CNTNAP5: variants seen among roughly 807,000 people sequenced by gnomAD.
CNTNAP5 encodes the protein contactin-associated protein-like 5.
CNTNAP5 carries 72 observed loss-of-function variants against 150.2 expected under a neutral mutation model. The ratio of observed to expected loss-of-function variants is 0.48; its 90% CI spans 0.40 to 0.58. CNTNAP5 has a LOEUF of 0.58. Among genes scored for constraint, CNTNAP5 ranks in the 20% least tolerant of loss-of-function variants. The pLI is 0.00. For missense variants in CNTNAP5, 1,636 were observed against 1,626.2 expected, an observed-to-expected ratio of 1.01 and a Z score of -0.10; for synonymous variants, 672 against 619.8, an observed-to-expected ratio of 1.08 and a Z score of -1.25.
chr2:124,056,648 AAAC>A (rs1186242376), intron 1 of CNTNAP5, among the ~76,000 whole-genome samples: 3 of 152,140 alleles, frequency 2.0e-5, no homozygotes, highest in African/African-American at 7.2e-5. Context: ...TCCATCTCAA[AAAC>A]AACAAGAACA....
intron 3 of CNTNAP5, among the ~76,000 whole-genome samples, chr2:124,403,896 G>C (rs972048293): frequency 6.6e-6 from 1 of 152,208 alleles, no homozygotes; most frequent in African/African-American, 2.4e-5. Flanking sequence ...AGCATGTGCA[G>C]GGGAACTGCC....
chr2:124,123,087 T>C lies in CNTNAP5; in HGVS notation c.82+97355T>C, dbSNP rs562995142. Among the ~76,000 whole-genome samples the C allele has an allele frequency of 6.6e-5, 10 of 151,628 alleles. No individual in the cohort carries two copies. The East Asian group carries it at 2.0e-3, about 30-fold the overall frequency. ...CTTGTCGGACACTGGGTGCAGCCCA[T>C]GGAGTAGGGTGAGGCATCACCTCAC... On this transcript the variant is annotated intron_variant, in intron 1 of 23. Transcript: ENST00000682447.
At chr2:124,217,552 A>C (rs899548323) in intron 1 of CNTNAP5, among the ~76,000 whole-genome samples, 4 of 152,170 alleles carry the variant, frequency 2.6e-5, no homozygotes, top group Non-Finnish European at 4.4e-5. Flanking sequence ...ATGAAGGCGC[A>C]ATGTCATCTT....
intron 3 of CNTNAP5, among the ~76,000 whole-genome samples, chr2:124,267,378 CTCT>C (rs1279465648): frequency 6.6e-6 from 1 of 152,118 alleles, no homozygotes; most frequent in Non-Finnish European, 1.5e-5. Context: ...CCAAATGTAA[CTCT>C]TCTTATAGGC....
chr2:124,623,714 TGTCTTTAG>T (rs1677664760), intron 12 of CNTNAP5, among the ~76,000 whole-genome samples: 2 of 152,336 alleles, frequency 1.3e-5, no homozygotes, highest in South Asian at 2.1e-4. Flanking sequence ...ACACATCCAC[TGTCTTTAG>T]GGACAGCAGG....
At chr2:124,349,416 A>C (rs1689819527) in intron 3 of CNTNAP5, among the ~76,000 whole-genome samples, 1 of 152,220 alleles carries the variant, frequency 6.6e-6, no homozygotes, top group South Asian at 2.1e-4. Flanking sequence ...GTCATTATGT[A>C]GTGCATGACT....
In CNTNAP5 at chr2:124,527,332, G is replaced by T; in HGVS notation, c.1525G>T (p.Ala509Ser). 6.2e-7 allele frequency: 1 copy of T among 1,613,656 alleles called. No individual in the cohort carries two copies. The highest frequency in any genetic ancestry group is 8.5e-7 in the Non-Finnish European group (1 of 1,179,722). ...TTCCCAATGTTTAAATCCCATTAAG[G>T]CTTTCCAAGGCTGCATGAGGCTCAT... ...TDSQCLNPIK[A>S]FQGCMRLIFI... The change falls in exon 10 of 24, where the codon GCT becomes TCT. Residue 509 changes from alanine to serine, a missense_variant. By Grantham distance (99) the Ala-to-Ser change is moderately conservative (BLOSUM62 1). Coordinates refer to ENST00000682447, the MANE Select transcript of CNTNAP5 (RefSeq NM_001367498.1).
chr2:124,323,064 A>G (rs1689136944), intron 3 of CNTNAP5, among the ~76,000 whole-genome samples: 1 of 152,192 alleles, frequency 6.6e-6, no homozygotes, highest in African/African-American at 2.4e-5. Context: ...AGATTAAGGC[A>G]CCAGCAGGTT....
chr2:124,308,956 A>T (rs750322960), intron 3 of CNTNAP5, among the ~76,000 whole-genome samples: 6 of 152,202 alleles, frequency 3.9e-5, no homozygotes, highest in Non-Finnish European at 7.3e-5. Context: ...GTGAATGGAA[A>T]TAGTCCAGTG....
chr2:124,563,405 T>TGG, intron 11 of CNTNAP5, 82 bp downstream of exon 11: 1 of 803,978 alleles, frequency 1.2e-6, no homozygotes, highest in Non-Finnish European at 2.1e-6. Context: ...GTATTTAGCA[T>TGG]GGGGCAGGCA....
At chr2:124,810,919 C>CT (rs1055116702) in intron 19 of CNTNAP5, among the ~76,000 whole-genome samples, 91 of 152,028 alleles carry the variant, frequency 6.0e-4, no homozygotes, top group African/African-American at 2.2e-3. Flanking sequence ...GATAGCCCCC[C>CT]GATGAAGAAT....
At chr2:124,245,473 C>T (rs1231578761) in intron 3 of CNTNAP5, among the ~76,000 whole-genome samples, 2 of 151,956 alleles carry the variant, frequency 1.3e-5, no homozygotes, top group African/African-American at 2.4e-5. Context: ...TTTTGCAAAA[C>T]TGTCTAAATT....
At chr2:124,561,623 A>G (rs1695895770) in intron 10 of CNTNAP5, among the ~76,000 whole-genome samples, 1 of 152,216 alleles carries the variant, frequency 6.6e-6, no homozygotes, top group African/African-American at 2.4e-5. Context: ...ACTTTAGGCT[A>G]TCGTTGAATA....
At chr2:124,213,060 G>A (rs112702778) in intron 1 of CNTNAP5, among the ~76,000 whole-genome samples, 28,925 of 151,594 alleles carry the variant, frequency 0.19, 2,901 homozygotes, top group East Asian at 0.25. Context: ...GGATGGTCTC[G>A]ATCTCCCAAC....
intron 13 of CNTNAP5, among the ~76,000 whole-genome samples, chr2:124,740,017 CAGTT>C (rs1558757461): frequency 1.3e-5 from 2 of 151,818 alleles, no homozygotes; most frequent in African/African-American, 4.8e-5. Flanking sequence ...TCACAGGATA[CAGTT>C]AAACCATTGA....
chr2:124,293,789 C>T (rs960488015), intron 3 of CNTNAP5, among the ~76,000 whole-genome samples: 1 of 151,496 alleles, frequency 6.6e-6, no homozygotes, highest in African/African-American at 2.4e-5. Context: ...AGTAAAACAC[C>T]CGAGGACAGC....
At chr2:124,239,021 G>A (rs149815963) in intron 2 of CNTNAP5, among the ~76,000 whole-genome samples, 129 of 152,190 alleles carry the variant, frequency 8.5e-4, no homozygotes, top group African/African-American at 3.0e-3. Flanking sequence ...GAAACTCTTG[G>A]GCTCAGAAAA....
intron 19 of CNTNAP5, among the ~76,000 whole-genome samples, chr2:124,838,795 G>A (rs1000981714): frequency 1.3e-5 from 2 of 152,052 alleles, no homozygotes; most frequent in Non-Finnish European, 2.9e-5. Flanking sequence ...TGTGAAACTT[G>A]CATTTTTTTT....
chr2:124,410,798 C>G (rs1220862009), intron 3 of CNTNAP5, among the ~76,000 whole-genome samples: 3 of 148,914 alleles, frequency 2.0e-5, no homozygotes, highest in Non-Finnish European at 3.0e-5. Context: ...AAATTGACAC[C>G]CTAACATCAC....
Sources: gnomAD v4.1 joint callset for allele counts (sites outside exome capture counted in the v4.1 genomes callset) on GRCh38, gnomAD v4.1.1 for gene constraint, MANE v1.5 for transcripts, NCBI Gene and HGNC (gene_info 2026-07-23, HGNC 2026-07-21) for gene names.